The following AFAP1L2 variants were observed in gnomAD, a reference collection of about 807,000 sequenced individuals.
AFAP1L2 encodes actin filament-associated protein 1-like 2.
Under a neutral mutation model 99.3 loss-of-function variants are expected in AFAP1L2, and 46 were observed. The ratio of observed to expected loss-of-function variants is 0.46; its 90% CI spans 0.37 to 0.59. The LOEUF (loss-of-function observed/expected upper bound fraction) is 0.59. Ranked by LOEUF, AFAP1L2 falls within the 20% of genes least tolerant of loss-of-function variation. AFAP1L2 has a pLI of 0.00. For missense variants in AFAP1L2, 959 were observed against 1,034.9 expected (o/e 0.93, Z 1.01); for synonymous variants, 397 against 419.1 (o/e 0.95, Z 0.64).
In AFAP1L2 at chr10:114,339,546, G is replaced by A. The variant is rs1177253396; in HGVS notation, c.145+1057C>T. ...CTCGGGCCCAACTCGGGTCAGTCCC[G>A]CACCATTGTTATGGGGTGAAGTGTG... On this transcript the variant is annotated intron_variant, in intron 2 of 18. Transcript: ENST00000304129. Among the ~76,000 whole-genome samples the A allele has an allele frequency of 5.9e-5, 9 of 152,210 alleles. No homozygotes were observed. The East Asian group carries it at 1.7e-3, about 29-fold the overall frequency.
intron 2 of AFAP1L2, among the ~76,000 whole-genome samples, chr10:114,337,124 A>G (rs1283923905): frequency 1.3e-5 from 2 of 152,218 alleles, no homozygotes; most frequent in Non-Finnish European, 2.9e-5. Context: ...ATGTGTGTTT[A>G]CGATTCTGTC....
chr10:114,282,719 G>C, the AFAP1L2 span: 1 of 675,024 alleles, frequency 1.5e-6, no homozygotes, highest in South Asian at 1.7e-5. Flanking sequence ...GCAGAGGAGA[G>C]TGTGCTCTTG....
intron 4 of AFAP1L2, among the ~76,000 whole-genome samples, chr10:114,330,171 T>C (rs1429961997): frequency 6.6e-6 from 1 of 152,090 alleles, no homozygotes; most frequent in African/African-American, 2.4e-5. Flanking sequence ...CCACCCCACA[T>C]GGTAGAGTCA....
At chr10:114,304,419 A>T (rs1369202330) in intron 11 of AFAP1L2, among the ~76,000 whole-genome samples, 1 of 152,144 alleles carries the variant, frequency 6.6e-6, no homozygotes, top group African/African-American at 2.4e-5. Flanking sequence ...ATACCCAAAC[A>T]AAACAACACC....
intron 1 of AFAP1L2, among the ~76,000 whole-genome samples, chr10:114,347,431 TG>T (rs1179458388): frequency 6.6e-6 from 1 of 152,236 alleles, no homozygotes; most frequent in Non-Finnish European, 1.5e-5. Flanking sequence ...ACTATACGTC[TG>T]GCCTGTTCAT....
intron 12 of AFAP1L2, 178 bp from the exon 13 acceptor site, chr10:114,301,643 C>T (rs1564791342): frequency 3.5e-6 from 2 of 579,674 alleles, no homozygotes; most frequent in Non-Finnish European, 6.2e-6. Context: ...TTTCCCAGTG[C>T]CTTCTTCCTG....
chr10:114,290,504 AT>A, downstream of AFAP1L2: 1 of 1,197,786 alleles, frequency 8.3e-7, no homozygotes, highest in Non-Finnish European at 1.2e-6. Flanking sequence ...CCCACGAAAC[AT>A]TTAGTGAGTA....
At position 114,313,860 on chromosome 10, in the gene AFAP1L2, G is replaced by A; in HGVS notation, c.792+11C>T. The A allele has an allele frequency of 6.3e-7, 1 of 1,591,636 alleles. No homozygotes were observed. ...TAGGAACCCCTCCAAGTGGCTCGGT[G>A]TCGCCCTCACCCTGAGCCACTGCTC... On this transcript the variant is annotated intron_variant, in intron 7 of 18. Transcript: ENST00000304129.
At chr10:114,403,368 C>A (rs2058403882) in intron 1 of AFAP1L2, among the ~76,000 whole-genome samples, 1 of 152,162 alleles carries the variant, frequency 6.6e-6, no homozygotes, top group Admixed American at 6.5e-5. Flanking sequence ...CCCAACAGGT[C>A]CCTTTATGTC....
the AFAP1L2 span, chr10:114,289,714 T>C: frequency 3.1e-5 from 18 of 581,662 alleles, no homozygotes; most frequent in Non-Finnish European, 5.5e-5. Flanking sequence ...CATAGATAAC[T>C]CCCCCCAAAC....
chr10:114,352,958 G>A (rs545755373), intron 1 of AFAP1L2, among the ~76,000 whole-genome samples: 1 of 152,248 alleles, frequency 6.6e-6, no homozygotes, highest in African/African-American at 2.4e-5. Flanking sequence ...ACTCATATTT[G>A]GAGCCAAATT....
In AFAP1L2 at chr10:114,295,405, A is replaced by ACTT. The variant is rs1486915299; in HGVS notation, c.*634_*636dup. The stretch of plus-strand genomic sequence containing the variant: ...GCCTTGGACTGGAAAGAAGTCTTTA[A>ACTT]CTTAGTGGGATTAGTGCTTCAGCTT... On this transcript the variant is annotated 3_prime_UTR_variant, in exon 19 of 19. Transcript: ENST00000304129. 1 of 985,808 alleles carries ACTT rather than the reference A, an allele frequency of 1.0e-6. No homozygotes were observed. Among genetic ancestry groups the ACTT allele is most frequent in the Non-Finnish European group, 1.2e-6 (1 of 829,918 alleles). 61.1% of individuals were successfully genotyped at this position (985,808 alleles called of 1,614,324 possible).
At chr10:114,301,712 C>T (rs1206580527) in intron 12 of AFAP1L2, 12 of 528,230 alleles carry the variant, frequency 2.3e-5, no homozygotes, top group African/African-American at 3.8e-5. Context: ...CCATACGCCT[C>T]GTCCTAGGAT....
At chr10:114,284,745 G>T in the AFAP1L2 span, 1 of 895,068 alleles carries the variant, frequency 1.1e-6, no homozygotes, top group South Asian at 1.7e-5. Flanking sequence ...GACTGTGGGG[G>T]AAGGGAGGGG....
intron 7 of AFAP1L2, 80 bp from the exon 8 acceptor site, chr10:114,310,523 G>T: frequency 7.6e-7 from 1 of 1,311,734 alleles, no homozygotes; most frequent in Non-Finnish European, 1.1e-6. Flanking sequence ...CAGGGCCCCT[G>T]CAGGTCAGGG....
intron 8 of AFAP1L2, 31 bp from the exon 9 acceptor site, chr10:114,308,548 A>G (rs745407895): frequency 4.4e-6 from 7 of 1,593,304 alleles, no homozygotes; most frequent in Admixed American, 3.3e-5. Flanking sequence ...AATGGGGATC[A>G]CTGGCTGGGA....
intron 1 of AFAP1L2, among the ~76,000 whole-genome samples, chr10:114,341,263 T>C (rs1369699635): frequency 6.6e-6 from 1 of 152,222 alleles, no homozygotes; most frequent in Non-Finnish European, 1.5e-5. Flanking sequence ...AAGCCTCGCC[T>C]TGGCTTGACT....
intron 1 of AFAP1L2, among the ~76,000 whole-genome samples, chr10:114,346,722 C>T (rs1324100947): frequency 6.6e-6 from 1 of 152,218 alleles, no homozygotes; most frequent in African/African-American, 2.4e-5. Context: ...AAACTGTAGG[C>T]CCTTGTGCAG....
chr10:114,290,335 G>A (rs909309114), downstream of AFAP1L2: 8 of 1,550,498 alleles, frequency 5.2e-6, no homozygotes, highest in Non-Finnish European at 7.0e-6. Context: ...CAAGTGTCGG[G>A]ATGGCTGGGA....
Sources: allele counts gnomAD v4.1 joint callset (sites outside exome capture counted in the v4.1 genomes callset), GRCh38; gene constraint gnomAD v4.1.1; transcripts MANE v1.5; gene names NCBI Gene and HGNC (gene_info 2026-07-23, HGNC 2026-07-21).